Variants in PID1 observed in about 807,000 individuals in gnomAD.
The protein encoded by PID1 is phosphotyrosine interaction domain containing 1, also known as PTB-containing, cubilin and LRP1-interacting protein.
A neutral mutation model predicts 19.1 loss-of-function variants in PID1; 10 were observed. The ratio of observed to expected loss-of-function variants is 0.52; its 90% CI spans 0.32 to 0.89. The LOEUF (loss-of-function observed/expected upper bound fraction) is 0.89. PID1 is among the 40% of genes least tolerant of loss of function. The probability of loss-of-function intolerance (pLI) is 0.03; values close to 1 mark genes in which losing one functional copy is unlikely to be tolerated. For synonymous variants in PID1, 130 were observed against 116.0 expected, an observed-to-expected ratio of 1.12 and a Z score of -0.78; for missense variants, 248 against 285.3, an observed-to-expected ratio of 0.87 and a Z score of 0.94.
chr2:229,176,959 T>A (rs932684835), intron 1 of PID1, among the ~76,000 whole-genome samples: 4 of 152,186 alleles, frequency 2.6e-5, no homozygotes, highest in Admixed American at 2.0e-4. Flanking sequence ...CTGGGCAATT[T>A]ACAGAAGAAA....
chr2:229,109,418 T>C (rs1250266321), intron 2 of PID1, among the ~76,000 whole-genome samples: 1 of 152,188 alleles, frequency 6.6e-6, no homozygotes, highest in Non-Finnish European at 1.5e-5. Context: ...CACACGCTAG[T>C]CGGCATGTTA....
chr2:229,262,746 T>C (rs1447440808), intron 1 of PID1: 18 of 1,551,532 alleles, frequency 1.2e-5, no homozygotes, highest in Non-Finnish European at 1.6e-5. Flanking sequence ...CCAAAAGCTC[T>C]GGAGAAGAAC....
intron 1 of PID1, among the ~76,000 whole-genome samples, chr2:229,237,046 G>A (rs921626167): frequency 2.0e-5 from 3 of 150,002 alleles, no homozygotes; most frequent in Non-Finnish European, 3.0e-5. Context: ...TATAGATGAG[G>A]ATCTAAGTAT....
At chr2:229,031,580 A>G (rs537933916) in intron 2 of PID1, among the ~76,000 whole-genome samples, 1 of 152,268 alleles carries the variant, frequency 6.6e-6, no homozygotes, top group Admixed American at 6.5e-5. Context: ...AAAAGGAAAG[A>G]AAAGGAAAGA....
chr2:229,138,204 C>T (rs1294404403), intron 2 of PID1, among the ~76,000 whole-genome samples: 1 of 152,096 alleles, frequency 6.6e-6, no homozygotes, highest in Non-Finnish European at 1.5e-5. Context: ...TCTCCTGGAC[C>T]CTCAGAAGGG....
chr2:229,132,719 C>G (rs1264045891), intron 2 of PID1, among the ~76,000 whole-genome samples: 2 of 152,210 alleles, frequency 1.3e-5, no homozygotes, highest in East Asian at 3.9e-4. Flanking sequence ...AGAGATTCAC[C>G]ATGGTAACAA....
chr2:229,025,589 C>A lies in PID1; in HGVS notation c.*43G>T. The A allele has an allele frequency of 9.6e-6, 14 of 1,455,938 alleles. No individual in the cohort carries two copies. The highest frequency in any genetic ancestry group is 1.3e-5 in the Non-Finnish European group (14 of 1,046,620). The allele number at this position is 1,455,938 out of a possible 1,614,324, so 90.2% of individuals were successfully genotyped here. A position where few individuals can be genotyped will look rare whatever the true frequency, so the allele number is the denominator to read the frequency against. Reference sequence around the variant, plus strand: ...TTGCTTACTCATCTATTCCCTTGAACTCCGTGACCAATGCTGCCTTTGCTG... The same window carrying A: ...TTGCTTACTCATCTATTCCCTTGAAATCCGTGACCAATGCTGCCTTTGCTG... On this transcript the variant is annotated 3_prime_UTR_variant, in exon 3 of 3. Transcript: ENST00000392055.
chr2:229,027,971 T>C (rs1693462547), intron 2 of PID1, among the ~76,000 whole-genome samples: 1 of 152,284 alleles, frequency 6.6e-6, no homozygotes, highest in South Asian at 2.1e-4. Context: ...ACTCAGACTT[T>C]CCTGATGCCA....
chr2:229,227,699 A>G (rs1435501540), intron 1 of PID1, among the ~76,000 whole-genome samples: 2 of 152,124 alleles, frequency 1.3e-5, no homozygotes, highest in African/African-American at 4.8e-5. Flanking sequence ...CTAAACATAA[A>G]TATAGTTGGC....
At chr2:229,139,142 A>AAGCAAGC (rs1689955145) in intron 2 of PID1, among the ~76,000 whole-genome samples, 1 of 115,714 alleles carries the variant, frequency 8.6e-6, no homozygotes, top group African/African-American at 3.4e-5. Context: ...AGAAAGAAAG[A>AAGCAAGC]AAGAAAGCAA....
chr2:229,071,638 A>G (rs1327505465), intron 2 of PID1, among the ~76,000 whole-genome samples: 1 of 152,244 alleles, frequency 6.6e-6, no homozygotes, highest in Non-Finnish European at 1.5e-5. Flanking sequence ...GCTAAGTTCT[A>G]TTTGGTGTAA....
intron 1 of PID1, among the ~76,000 whole-genome samples, chr2:229,209,225 G>C (rs949546100): frequency 5.9e-5 from 9 of 152,162 alleles, no homozygotes; most frequent in Non-Finnish European, 1.2e-4. Context: ...GCAAATGTGG[G>C]TTGTGGGTCA....
chr2:229,146,544 T>C (rs1008165314), intron 2 of PID1, among the ~76,000 whole-genome samples: 8 of 152,048 alleles, frequency 5.3e-5, no homozygotes, highest in Non-Finnish European at 1.2e-4. Context: ...TGTGTGTGTG[T>C]GTGTGTGTTT....
intron 2 of PID1, among the ~76,000 whole-genome samples, chr2:229,068,039 C>T (rs967153632): frequency 1.3e-5 from 2 of 152,226 alleles, no homozygotes; most frequent in Non-Finnish European, 2.9e-5. Flanking sequence ...GCACTCAGTA[C>T]ATTCTATGGA....
chr2:229,137,371 T>A (rs556939963), intron 2 of PID1, among the ~76,000 whole-genome samples: 1 of 152,232 alleles, frequency 6.6e-6, no homozygotes, highest in Non-Finnish European at 1.5e-5. Context: ...AAATAGAGCA[T>A]CCCTACTTAT....
In PID1 at chr2:229,232,161, C is replaced by T. The variant is rs1381109149; in HGVS notation, c.30+38853G>A. On this transcript the variant is annotated intron_variant, in intron 1 of 2. Transcript: ENST00000392055. ...CCTCTTGGCCGGGTGCAGTGGCTCA[C>T]GCCTGTAATCCCAGCACTCTGGGAG... is the stretch of plus-strand genomic sequence containing the variant. 2.6e-5 allele frequency: 37 copies of T among 1,426,156 alleles called. No homozygotes were observed. In the East Asian group the frequency reaches 7.2e-4, roughly 28 times the overall value. The allele number at this position is 1,426,156 out of a possible 1,614,324, so 88.3% of individuals were successfully genotyped here. A position where few individuals can be genotyped will look rare whatever the true frequency, so the allele number is the denominator to read the frequency against.
chr2:229,112,155 T>A (rs1195451981), intron 2 of PID1, among the ~76,000 whole-genome samples: 2 of 152,240 alleles, frequency 1.3e-5, no homozygotes, highest in Admixed American at 1.3e-4. Flanking sequence ...ACGATTTCAA[T>A]CATGCAAAGT....
At chr2:229,244,643 A>AC (rs1435459738) in intron 1 of PID1, among the ~76,000 whole-genome samples, 3 of 151,960 alleles carry the variant, frequency 2.0e-5, no homozygotes, top group African/African-American at 4.8e-5. Flanking sequence ...TTATTTTGTA[A>AC]CCCCCCAAAT....
At chr2:229,140,842 C>T (rs187471129) in intron 2 of PID1, among the ~76,000 whole-genome samples, 13 of 151,984 alleles carry the variant, frequency 8.6e-5, no homozygotes, top group South Asian at 2.1e-4. Context: ...ACTATTACAG[C>T]GATTTAGCCT....
Sources: gnomAD v4.1 joint callset for allele counts (sites outside exome capture counted in the v4.1 genomes callset) on GRCh38, gnomAD v4.1.1 for gene constraint, MANE v1.5 for transcripts, NCBI Gene and HGNC (gene_info 2026-07-23, HGNC 2026-07-21) for gene names.